The following AGRN variants were observed in gnomAD, a reference collection of about 807,000 sequenced individuals.
AGRN encodes the protein agrin proteoglycan.
A neutral mutation model predicts 211.0 loss-of-function variants in AGRN; 106 were observed. That is an observed-to-expected ratio of 0.50 (90% CI 0.43 to 0.59). The LOEUF (loss-of-function observed/expected upper bound fraction) is 0.59. AGRN is among the 20% of genes least tolerant of loss of function. AGRN has a pLI of 0.00. For synonymous variants in AGRN, 1,525 were observed against 1,332.5 expected, an observed-to-expected ratio of 1.14 and a Z score of -3.15; for missense variants, 3,040 against 2,982.6, an observed-to-expected ratio of 1.02 and a Z score of -0.45.
rs1201366802 is a variant in AGRN at position 1,020,379 on chromosome 1, C to T, written c.201+6C>T. 1 of 1,493,572 alleles carries T rather than the reference C, an allele frequency of 6.7e-7. No homozygotes were observed. Among genetic ancestry groups the T allele is most frequent in the Admixed American group, 2.2e-5 (1 of 45,674 alleles). 92.5% of individuals were successfully genotyped at this position (1,493,572 alleles called of 1,614,324 possible). Reference sequence around the variant, plus strand: ...AGCACACGTACTCCTGCAAGGTGCGCCCACCCGGACCCCGGCCTCCCCTCG... The same window carrying T: ...AGCACACGTACTCCTGCAAGGTGCGTCCACCCGGACCCCGGCCTCCCCTCG... On this transcript the variant is annotated splice_donor_region_variant and intron_variant, in intron 1 of 35. Coordinates refer to ENST00000379370, the MANE Select transcript of AGRN (RefSeq NM_198576.4).
rs760913302 is a variant in AGRN at position 1,040,760 on chromosome 1, C to T, written c.607C>T (p.Pro203Ser). ...CTGCGTCTGCAAGAAGAGCCCGTGCCCCAGCGTGGTGGCGCCTGTGTGTGG... is the reference window on the plus strand; with the variant it reads ...CTGCGTCTGCAAGAAGAGCCCGTGCTCCAGCGTGGTGGCGCCTGTGTGTGG... Reference protein sequence around the residue: ...ASCVCKKSPCPSVVAPVCGSD... With the variant: ...ASCVCKKSPCSSVVAPVCGSD... The change falls in exon 4 of 36, where the codon CCC (proline) becomes TCC (serine). Residue 203 changes from proline to serine, a missense_variant. Physicochemically the swap from Pro to Ser is moderately conservative, Grantham distance 74 (BLOSUM62 -1). Coordinates refer to ENST00000379370, the MANE Select transcript of AGRN (RefSeq NM_198576.4). 72 of 1,542,224 alleles carry T rather than the reference C, an allele frequency of 4.7e-5. No individual in the cohort carries two copies. The East Asian group carries it at 1.7e-3, about 37-fold the overall frequency.
rs190142081 is a variant in AGRN, at chr1:1,044,532, C to T, written c.2254+93C>T. 6.3e-5 allele frequency: 81 copies of T among 1,291,458 alleles called. 1 individual carries two copies. The Admixed American group carries it at 1.6e-3, about 26-fold the overall frequency. The allele number at this position is 1,291,458 out of a possible 1,614,324, so 80.0% of individuals were successfully genotyped here. A position where few individuals can be genotyped will look rare whatever the true frequency, so the allele number is the denominator to read the frequency against. On this transcript the variant is annotated intron_variant, in intron 12 of 35. Transcript: ENST00000379370. Reference sequence around the variant, plus strand: ...GGGCGTGCCCGTGTGCTGCGTTGGGCCCCTGTGGACGTGTGTATTGTGTTG... The same window carrying T: ...GGGCGTGCCCGTGTGCTGCGTTGGGTCCCTGTGGACGTGTGTATTGTGTTG...
rs373699293 is a variant in AGRN, at chr1:1,055,005, G to C, written c.*24G>C. 2 of 1,545,784 alleles carry C rather than the reference G, an allele frequency of 1.3e-6. No homozygotes were observed. Among genetic ancestry groups the C allele is most frequent in the African/African-American group, 1.4e-5 (1 of 73,112 alleles). On this transcript the variant is annotated 3_prime_UTR_variant, in exon 36 of 36. Coordinates refer to ENST00000379370, the MANE Select transcript of AGRN (RefSeq NM_198576.4). ...GAGCTGGCACCAGAGCCCCGCGCCC[G>C]CTGTAATTATTTTCTATTTTTGTAA...
At chr1:1,052,122 C>T (rs920769966) in intron 33 of AGRN, 11 of 1,319,072 alleles carry the variant, frequency 8.3e-6, no homozygotes, top group South Asian at 2.5e-5. Flanking sequence ...TCCCTTGTGG[C>T]GGAGGATGGG....
chr1:1,040,990 GGCGGGGAGGA>G lies in AGRN; in HGVS notation c.727+117_727+126del, dbSNP rs1177235201. The G allele has an allele frequency of 2.0e-4, 63 of 311,206 alleles. 1 individual carries two copies. In the East Asian group the frequency reaches 4.5e-3, roughly 22 times the overall value. 19.3% of individuals were successfully genotyped at this position (311,206 alleles called of 1,614,324 possible). A position where few individuals can be genotyped will look rare whatever the true frequency, so the allele number is the denominator to read the frequency against. On this transcript the variant is annotated intron_variant, in intron 4 of 35. Coordinates refer to ENST00000379370, the MANE Select transcript of AGRN (RefSeq NM_198576.4). ...TGGGGCGGGGGCAGGGGCGGGGCCC[GGCGGGGAGGA>G]GCGGGGCTGGGAGGGGCCTGGGGGG... is the stretch of plus-strand genomic sequence containing the variant.
chr1:1,027,337 G>A (rs1644543048), intron 2 of AGRN, among the ~76,000 whole-genome samples: 1 of 152,216 alleles, frequency 6.6e-6, no homozygotes, highest in Non-Finnish European at 1.5e-5. Context: ...TCCACTAGTG[G>A]GCCATGGTTC....
chr1:1,029,896 A>AT (rs1644617762), intron 2 of AGRN, among the ~76,000 whole-genome samples: 1 of 45,182 alleles, frequency 2.2e-5, no homozygotes, highest in Admixed American at 2.2e-4. Context: ...CTGTGAGATC[A>AT]GTGTGTGTGT....
chr1:1,049,243 A>C lies in AGRN; in HGVS notation c.4306A>C (p.Thr1436Pro). Residue 1436 changes from threonine (T) to proline (P), a missense_variant, in exon 25 of 36, where the codon ACA (threonine) becomes CCA (proline). By Grantham distance (38) the Thr-to-Pro change is conservative. Around this residue, in one of 3 missense-constraint regions of AGRN, gnomAD observed 1,537 missense variants for 1,505.0 expected, o/e 1.02. Coordinates refer to ENST00000379370, the MANE Select transcript of AGRN (RefSeq NM_198576.4). ...LDGRVQLRFD[T>P]GSGPAVLTSA... ...ACCTGCTCCTGCCCTCAGGTTTGAC[A>C]CAGGTTCGGGGCCGGCGGTGCTGAC... 6.3e-7 allele frequency: 1 copy of C among 1,582,438 alleles called. No homozygotes were observed. Among genetic ancestry groups the C allele is most frequent in the Non-Finnish European group, 8.5e-7 (1 of 1,170,692 alleles).
In AGRN at chr1:1,043,598, G is replaced by T; in HGVS notation, c.1664G>T (p.Cys555Phe). 1 of 1,605,040 alleles carries T rather than the reference G, an allele frequency of 6.2e-7. No homozygotes were observed. Among genetic ancestry groups the T allele is most frequent in the South Asian group, 1.1e-5 (1 of 91,062 alleles). The change falls in exon 9 of 36, where the codon TGC becomes TTC. Residue 555 changes from cysteine (C) to phenylalanine (F), a missense_variant. This residue lies in a region of AGRN where 1,498 missense variants were observed against 1,457.8 expected (regional missense o/e 1.03). Coordinates refer to ENST00000379370, the MANE Select transcript of AGRN (RefSeq NM_198576.4). ...GAGGCCGAGACCGGGCGCTGCGTGTGCCCCTCTGAATGCGTGGCTTTGGCC... is the reference window on the plus strand; with the variant it reads ...GAGGCCGAGACCGGGCGCTGCGTGTTCCCCTCTGAATGCGTGGCTTTGGCC... The part of the protein sequence containing the change: ...LCEAETGRCV[C>F]PSECVALAQP...
In AGRN at chr1:1,049,410, A is replaced by C. The variant is rs763563403; in HGVS notation, c.4473A>C (p.Thr1491=). 13 of 1,598,884 alleles carry C rather than the reference A, an allele frequency of 8.1e-6. No individual in the cohort carries two copies. The highest frequency in any genetic ancestry group is 1.1e-5 in the Non-Finnish European group (13 of 1,179,694). ...GCACCGACGGCCTCAACCTGGACAC[A>C]GACCTCTTTGTGGGCGGCGTACCCG... The part of the protein sequence containing the change: ...PSGTDGLNLD[T]DLFVGGVPED... The change falls in exon 25 of 36, where the codon ACA becomes ACC. Residue 1491 remains threonine (T), a synonymous_variant. Transcript: ENST00000379370.
chr1:1,054,347 C>G, intron 34 of AGRN, 101 bp from the exon 35 acceptor site: 2 of 1,136,724 alleles, frequency 1.8e-6, no homozygotes, highest in East Asian at 5.2e-5. Context: ...GTTCTCCAGG[C>G]TGAGGCACCT....
chr1:1,020,573 T>C (rs1214261183), intron 1 of AGRN, among the ~76,000 whole-genome samples, 200 bp downstream of exon 1: 1 of 151,654 alleles, frequency 6.6e-6, no homozygotes, highest in South Asian at 2.1e-4. Context: ...GCCGCCGCCG[T>C]CCTCCGCCCG....
chr1:1,028,054 C>T (rs772377133), intron 2 of AGRN, among the ~76,000 whole-genome samples: 52 of 152,196 alleles, frequency 3.4e-4, no homozygotes, highest in Admixed American at 2.2e-3. Flanking sequence ...ATGACCTTCA[C>T]TGATTTCATC....
rs1282970149 is a variant in AGRN at position 1,020,316 on chromosome 1, C to A, written c.144C>A (p.Thr48=). ...RREEEANVVL[T]GTVEEILNVD... ...AGGAGGAGGCGAACGTGGTGCTCAC[C>A]GGGACGGTGGAGGAGATCCTCAACG... The change falls in exon 1 of 36, where the codon ACC becomes ACA. Residue 48 remains threonine (T), a synonymous_variant. Transcript: ENST00000379370. The A allele has an allele frequency of 6.7e-7, 1 of 1,490,218 alleles. No homozygotes were observed. Among genetic ancestry groups the A allele is most frequent in the Admixed American group, 2.2e-5 (1 of 45,072 alleles). 92.3% of individuals were successfully genotyped at this position (1,490,218 alleles called of 1,614,324 possible).
Position 1,041,972 on chromosome 1 carries a change from C to T in AGRN, c.1194C>T (p.Pro398=), listed in dbSNP as rs769184314. 2.5e-6 allele frequency: 4 copies of T among 1,611,868 alleles called. No individual in the cohort carries two copies. The change falls in exon 7 of 36, where the codon CCC becomes CCT. Residue 398 remains proline (P), a synonymous_variant. Transcript: ENST00000379370. ...GCGTCCTAGACCAGTGCCCGGAGCC[C>T]TGCCGGTTCAATGCCGTGTGCCTGT... The part of the protein sequence containing the change: ...QCQGRDQCPE[P]CRFNAVCLSR...
At position 1,045,997 on chromosome 1, in the gene AGRN, G is replaced by C; in HGVS notation, c.2714G>C (p.Arg905Pro). ...ASAPATCAEM[R>P]CEFGARCVEE... ...GCGCCTGCGACCTGTGCGGAGATGCGCTGTGAGTTCGGTGCGCGGTGCGTG... is the reference window on the plus strand; with the variant it reads ...GCGCCTGCGACCTGTGCGGAGATGCCCTGTGAGTTCGGTGCGCGGTGCGTG... Residue 905 changes from arginine (R) to proline (P), a missense_variant, in exon 16 of 36, where the codon CGC becomes CCC. Arg to Pro is a moderately radical substitution (Grantham distance 103). This residue lies in a region of AGRN where 1,498 missense variants were observed against 1,457.8 expected (regional missense o/e 1.03). Transcript: ENST00000379370. 1 of 1,613,942 alleles carries C rather than the reference G, an allele frequency of 6.2e-7. No individual in the cohort carries two copies. Among genetic ancestry groups the C allele is most frequent in the Non-Finnish European group, 8.5e-7 (1 of 1,180,016 alleles).
In AGRN at chr1:1,043,417, C is replaced by A. The variant is rs1570205843; in HGVS notation, c.1563C>A (p.Thr521=). The change falls in exon 8 of 36, where the codon ACC becomes ACA. Residue 521 remains threonine, a synonymous_variant. Transcript: ENST00000379370. The part of the protein sequence containing the change: ...SACELEATAC[T]LGREIQVARK... ...GCGAGCTGGAGGCCACGGCCTGTAC[C>A]CTCGGGCGGGAGATCCAGGTGGCGC... 6.2e-7 allele frequency: 1 copy of A among 1,607,972 alleles called. No homozygotes were observed. Among genetic ancestry groups the A allele is most frequent in the East Asian group, 2.2e-5 (1 of 44,706 alleles).
At chr1:1,029,746 G>A (rs370694947) in intron 2 of AGRN, among the ~76,000 whole-genome samples, 2 of 105,792 alleles carry the variant, frequency 1.9e-5, no homozygotes, top group Non-Finnish European at 4.1e-5. Context: ...TGAGATCAGC[G>A]TGTGTGTGTG....
chr1:1,051,466 G>T lies in AGRN; in HGVS notation c.5384G>T (p.Gly1795Val). 6.4e-7 allele frequency: 1 copy of T among 1,561,438 alleles called. No homozygotes were observed. ...CCTGCCCTGCAGGTCTCCCTCGGAGGCCGCCAGCTGCTGACCCCGGAGCAC... is the reference window on the plus strand; with the variant it reads ...CCTGCCCTGCAGGTCTCCCTCGGAGTCCGCCAGCTGCTGACCCCGGAGCAC... Reference protein sequence around the residue: ...DGAIQLVSLGGRQLLTPEHVL... With the variant: ...DGAIQLVSLGVRQLLTPEHVL... The change falls in exon 32 of 36, where the codon GGC (glycine) becomes GTC (valine). Residue 1795 changes from glycine (G) to valine (V), a missense_variant. Gly to Val is a moderately radical substitution (Grantham distance 109). Transcript: ENST00000379370.
Sources: gnomAD v4.1 joint callset for allele counts (sites outside exome capture counted in the v4.1 genomes callset) on GRCh38, gnomAD v4.1.1 for gene constraint, gnomAD v4.1.1 regional missense constraint, MANE v1.5 for transcripts, NCBI Gene and HGNC (gene_info 2026-07-23, HGNC 2026-07-21) for gene names.